NSD2: variants seen among roughly 807,000 people sequenced by gnomAD.
The protein encoded by NSD2 is histone-lysine N-methyltransferase NSD2.
NSD2 carries 12 observed loss-of-function variants against 139.0 expected under a neutral mutation model. That is an observed-to-expected ratio of 0.09 (90% CI 0.06 to 0.14). The LOEUF is 0.14. Ranked by LOEUF, NSD2 falls within the 10% of genes least tolerant of loss-of-function variation. NSD2 has a pLI of 1.00. For missense variants in NSD2, 1,155 were observed against 1,745.0 expected, an observed-to-expected ratio of 0.66 and a Z score of 6.02; for synonymous variants, 669 against 648.7, an observed-to-expected ratio of 1.03 and a Z score of -0.48.
intron 1 of NSD2, among the ~76,000 whole-genome samples, chr4:1,881,788 T>C (rs560880864): frequency 2.2e-4 from 33 of 152,272 alleles, no homozygotes; most frequent in African/African-American, 7.5e-4. Flanking sequence ...GTGCATATAA[T>C]AGGGAGGTTA....
chr4:1,925,777 T>A (rs1374161396), intron 5 of NSD2, among the ~76,000 whole-genome samples: 1 of 149,888 alleles, frequency 6.7e-6, no homozygotes, highest in Non-Finnish European at 1.5e-5. Flanking sequence ...TATATATTTT[T>A]TTTTGTTTGT....
chr4:1,880,473 T>C (rs1009209357), intron 1 of NSD2, among the ~76,000 whole-genome samples: 2 of 152,190 alleles, frequency 1.3e-5, no homozygotes, highest in African/African-American at 2.4e-5. Flanking sequence ...CTTCATTCAT[T>C]GAGTATCAGT....
chr4:1,944,083 C>CG (rs1209663924), intron 9 of NSD2: 12 of 1,064,900 alleles, frequency 1.1e-5, no homozygotes, highest in South Asian at 9.1e-5. Flanking sequence ...TGTATCTCAG[C>CG]GGGGGGTGGG....
chr4:1,908,064 A>G (rs1718175076), intron 3 of NSD2, among the ~76,000 whole-genome samples: 1 of 152,238 alleles, frequency 6.6e-6, no homozygotes, highest in South Asian at 2.1e-4. Context: ...GAGCAGGTGT[A>G]GGGCGTGTCC....
intron 3 of NSD2, among the ~76,000 whole-genome samples, chr4:1,907,088 G>T (rs1309368587): frequency 6.6e-6 from 1 of 152,184 alleles, no homozygotes; most frequent in Non-Finnish European, 1.5e-5. Context: ...GCCTGCCAGG[G>T]TCTAGTTAGC....
intron 9 of NSD2, 198 bp downstream of exon 9, chr4:1,939,976 T>A: frequency 7.0e-7 from 1 of 1,434,270 alleles, no homozygotes; most frequent in South Asian, 1.5e-5. Context: ...ATTTGAGCAC[T>A]TTTTATACAC....
intron 12 of NSD2, among the ~76,000 whole-genome samples, chr4:1,954,955 C>CA (rs1407915783): frequency 6.6e-6 from 1 of 152,184 alleles, no homozygotes; most frequent in African/African-American, 2.4e-5. Flanking sequence ...CAGGCTGAGA[C>CA]ACGCGGCATT....
rs1159806209 is a variant in NSD2 at position 1,918,232 on chromosome 4, G to A, written c.1019G>A (p.Arg340Gln). The A allele has an allele frequency of 1.2e-6, 2 of 1,613,564 alleles. No homozygotes were observed. Among genetic ancestry groups the A allele is most frequent in the African/African-American group, 1.3e-5 (1 of 74,780 alleles). ...GCTGCAAGCATGTCAGTGGAGGAGC[G>A]GAAAGCCAAGTTCACCTTTCTCTAT... ...EEAASMSVEE[R>Q]KAKFTFLYVG... Residue 340 changes from arginine to glutamine, a missense_variant, in exon 5 of 22, where the codon CGG becomes CAG. Transcript: ENST00000508803.
chr4:1,952,171 G>A lies in NSD2; in HGVS notation c.2077G>A (p.Ala693Thr), dbSNP rs760749890. ...EGPCCGAFHLACLGLSRRPEG... is the reference protein window; with the variant it reads ...EGPCCGAFHLTCLGLSRRPEG... ...ACCCTGCTGCGGAGCTTTCCACCTCGCCTGCCTTGGGCTTTCCCGGAGGCC... is the reference window on the plus strand; with the variant it reads ...ACCCTGCTGCGGAGCTTTCCACCTCACCTGCCTTGGGCTTTCCCGGAGGCC... The change falls in exon 11 of 22, where the codon GCC (alanine) becomes ACC (threonine). Residue 693 changes from alanine (A) to threonine (T), a missense_variant. Physicochemically the swap from Ala to Thr is moderately conservative, Grantham distance 58. Transcript: ENST00000508803. 10 of 1,613,976 alleles carry A rather than the reference G, an allele frequency of 6.2e-6. No homozygotes were observed. Among genetic ancestry groups the A allele is most frequent in the African/African-American group, 2.7e-5 (2 of 74,922 alleles).
chr4:1,903,159 C>T (rs1258939560), intron 2 of NSD2, among the ~76,000 whole-genome samples: 1 of 152,170 alleles, frequency 6.6e-6, no homozygotes, highest in Non-Finnish European at 1.5e-5. Flanking sequence ...AGGTTTTGGG[C>T]CGGCCTCTTC....
intron 18 of NSD2, among the ~76,000 whole-genome samples, chr4:1,965,756 C>T (rs528147811): frequency 6.6e-6 from 1 of 152,270 alleles, no homozygotes; most frequent in African/African-American, 2.4e-5. Context: ...TGAAGGGTAC[C>T]TTTGCACATG....
intron 1 of NSD2, among the ~76,000 whole-genome samples, chr4:1,884,883 C>T (rs969859488): frequency 4.6e-5 from 7 of 151,530 alleles, no homozygotes; most frequent in Admixed American, 1.3e-4. Flanking sequence ...CCGAGGCAGG[C>T]GGATCACCTG....
chr4:1,910,717 AT>A (rs1423884544), intron 3 of NSD2, among the ~76,000 whole-genome samples: 2 of 152,062 alleles, frequency 1.3e-5, no homozygotes, highest in Non-Finnish European at 1.5e-5. Flanking sequence ...CTTCCTACTG[AT>A]TTGTTTCTTG....
chr4:1,977,357 C>G (rs1182296363), intron 21 of NSD2, among the ~76,000 whole-genome samples: 1 of 152,246 alleles, frequency 6.6e-6, no homozygotes, highest in African/African-American at 2.4e-5. Flanking sequence ...TGGCGGTGCG[C>G]AGACATCATG....
intron 9 of NSD2, chr4:1,941,970 G>C: frequency 9.2e-7 from 1 of 1,089,678 alleles, no homozygotes; most frequent in Non-Finnish European, 1.1e-6. Flanking sequence ...GTGACCATGA[G>C]AATTGCTGTT....
At chr4:1,927,641 C>T (rs1721095264) in intron 5 of NSD2, among the ~76,000 whole-genome samples, 1 of 146,254 alleles carries the variant, frequency 6.8e-6, no homozygotes, top group Non-Finnish European at 1.5e-5. Flanking sequence ...ATCGCTTGAA[C>T]CCAGGAGGCA....
At chr4:1,911,623 A>G (rs376547016) in intron 3 of NSD2, among the ~76,000 whole-genome samples, 3 of 151,224 alleles carry the variant, frequency 2.0e-5, no homozygotes, top group Admixed American at 2.0e-4. Context: ...AAAAAAAGAA[A>G]GAAAGAAATT....
intron 18 of NSD2, among the ~76,000 whole-genome samples, chr4:1,965,896 C>T (rs1196170528): frequency 6.6e-6 from 1 of 152,150 alleles, no homozygotes; most frequent in Non-Finnish European, 1.5e-5. Flanking sequence ...AGTCACTTCC[C>T]ACCAGGTTCC....
intron 1 of NSD2, among the ~76,000 whole-genome samples, chr4:1,894,494 G>A (rs1268708353): frequency 4.6e-5 from 7 of 151,974 alleles, no homozygotes; most frequent in African/African-American, 1.7e-4. Context: ...GCAATGTGGT[G>A]AAACCCCGTC....
Sources: gnomAD v4.1 joint callset for allele counts (sites outside exome capture counted in the v4.1 genomes callset) on GRCh38, gnomAD v4.1.1 for gene constraint, MANE v1.5 for transcripts, NCBI Gene and HGNC (gene_info 2026-07-23, HGNC 2026-07-21) for gene names.